The following PTPN1 variants were observed in gnomAD, a reference collection of about 807,000 sequenced individuals.
PTPN1 encodes the protein tyrosine-protein phosphatase non-receptor type 1.
Under a neutral mutation model 59.9 loss-of-function variants are expected in PTPN1, and 12 were observed. The ratio of observed to expected loss-of-function variants is 0.20; its 90% confidence interval spans 0.13 to 0.32. The LOEUF (loss-of-function observed/expected upper bound fraction) is 0.32. Ranked by LOEUF, PTPN1 falls within the 10% of genes least tolerant of loss-of-function variation. The pLI, the probability that PTPN1 is intolerant of heterozygous loss-of-function variation, is 1.00. For missense variants in PTPN1, 356 were observed against 549.2 expected, an observed-to-expected ratio of 0.65 and a Z score of 3.52; for synonymous variants, 178 against 203.6, an observed-to-expected ratio of 0.87 and a Z score of 1.07.
At chr20:50,529,403 A>T (rs1453274521) in intron 1 of PTPN1, among the ~76,000 whole-genome samples, 1 of 152,212 alleles carries the variant, frequency 6.6e-6, no homozygotes, top group Non-Finnish European at 1.5e-5. Context: ...TGGTAGTCCA[A>T]TATAAAAGTA....
chr20:50,581,425 A>G lies in PTPN1; in HGVS notation c.1249A>G (p.Thr417Ala), dbSNP rs2082868098. 1.9e-6 allele frequency: 3 copies of G among 1,613,064 alleles called. No individual in the cohort carries two copies. The highest frequency in any genetic ancestry group is 1.7e-6 in the Non-Finnish European group (2 of 1,179,106). ...CTTCCTGGTCAACATGTGCGTGGCTACGGTCCTCACGGCCGGCGCTTACCT... is the reference window on the plus strand; with the variant it reads ...CTTCCTGGTCAACATGTGCGTGGCTGCGGTCCTCACGGCCGGCGCTTACCT... Reference protein sequence around the residue: ...KPFLVNMCVATVLTAGAYLCY... With the variant: ...KPFLVNMCVAAVLTAGAYLCY... The change falls in exon 9 of 10, where the codon ACG (threonine) becomes GCG (alanine). Residue 417 changes from threonine (T) to alanine (A), a missense_variant. Around this residue, in one of 3 missense-constraint regions of PTPN1, gnomAD observed 62 missense variants for 97.2 expected, o/e 0.64. Coordinates refer to ENST00000371621, the MANE Select transcript of PTPN1 (RefSeq NM_002827.4).
intron 5 of PTPN1, 68 bp downstream of exon 5, chr20:50,574,722 G>T: frequency 6.6e-7 from 1 of 1,514,418 alleles, no homozygotes; most frequent in South Asian, 1.2e-5. Flanking sequence ...TTTATCCCTT[G>T]GGTGATATTA....
At chr20:50,550,960 TTTCCGCAAGGATAA>T (rs2082699714) in intron 1 of PTPN1, among the ~76,000 whole-genome samples, 2 of 152,352 alleles carry the variant, frequency 1.3e-5, no homozygotes, top group Admixed American at 1.3e-4. Flanking sequence ...CATGGAAATA[TTTCCGCAAGGATAA>T]ACTGGCTTTT....
In PTPN1 at chr20:50,581,413, A is replaced by G. The variant is rs766525958; in HGVS notation, c.1237A>G (p.Met413Val). Reference sequence around the variant, plus strand: ...TTACTGGAAGCCCTTCCTGGTCAACATGTGCGTGGCTACGGTCCTCACGGC... The same window carrying G: ...TTACTGGAAGCCCTTCCTGGTCAACGTGTGCGTGGCTACGGTCCTCACGGC... ...LSYWKPFLVN[M>V]CVATVLTAGA... Residue 413 changes from methionine (M) to valine (V), a missense_variant, in exon 9 of 10, where the codon ATG becomes GTG. Met to Val is a conservative substitution (Grantham distance 21). This residue lies in a region of PTPN1 where 62 missense variants were observed against 97.2 expected (regional missense o/e 0.64). Coordinates refer to ENST00000371621, the MANE Select transcript of PTPN1 (RefSeq NM_002827.4). 3 of 1,613,878 alleles carry G rather than the reference A, an allele frequency of 1.9e-6. No individual in the cohort carries two copies. Among genetic ancestry groups the G allele is most frequent in the Non-Finnish European group, 2.5e-6 (3 of 1,179,754 alleles).
chr20:50,512,386 T>A (rs530188673), intron 1 of PTPN1, among the ~76,000 whole-genome samples: 3 of 152,348 alleles, frequency 2.0e-5, no homozygotes, highest in African/African-American at 7.2e-5. Flanking sequence ...TAGTTCTTAG[T>A]TGAATTTTAT....
At chr20:50,542,548 G>A (rs1302417661) in intron 1 of PTPN1, among the ~76,000 whole-genome samples, 1 of 152,152 alleles carries the variant, frequency 6.6e-6, no homozygotes, top group South Asian at 2.1e-4. Context: ...AGAGTGTATA[G>A]CCAATTGTGT....
At chr20:50,569,645 G>A (rs1047232528) in intron 4 of PTPN1, among the ~76,000 whole-genome samples, 1 of 152,064 alleles carries the variant, frequency 6.6e-6, no homozygotes, top group African/African-American at 2.4e-5. Context: ...TGTGTAGACT[G>A]TCCTGTGTAG....
Position 50,564,068 on chromosome 20 carries a change from TA to T in PTPN1, c.155-889del, listed in dbSNP as rs960887517. 3.8e-3 allele frequency among the ~76,000 whole-genome samples: 547 copies of T among 143,914 alleles called. 5 individuals are homozygous for T. Among genetic ancestry groups the T allele is most frequent in the African/African-American group, 9.7e-3 (384 of 39,460 alleles). The allele number at this position is 143,914 out of a possible 152,430, so 94.4% of individuals were successfully genotyped here. On this transcript the variant is annotated intron_variant, in intron 2 of 9. Transcript: ENST00000371621. ...ATTGAAGTTCATTATACTTGAACTT[TA>T]AAAAAAAAAAACAAAAACCTCGTAT...
intron 1 of PTPN1, among the ~76,000 whole-genome samples, chr20:50,511,971 CT>C (rs927707703): frequency 1.2e-4 from 18 of 151,078 alleles, no homozygotes; most frequent in African/African-American, 4.1e-4. Flanking sequence ...TAACAAAAGC[CT>C]TTTTTTTTGG....
intron 1 of PTPN1, among the ~76,000 whole-genome samples, chr20:50,538,351 G>A (rs1334697077): frequency 6.6e-6 from 1 of 152,160 alleles, no homozygotes; most frequent in Admixed American, 6.5e-5. Flanking sequence ...ACACTGACCA[G>A]AAAGTCAGCT....
At chr20:50,525,340 C>T (rs374644800) in intron 1 of PTPN1, among the ~76,000 whole-genome samples, 39 of 152,226 alleles carry the variant, frequency 2.6e-4, no homozygotes, top group African/African-American at 8.9e-4. Flanking sequence ...GGATTACAGG[C>T]GTGAGCCACC....
intron 1 of PTPN1, among the ~76,000 whole-genome samples, chr20:50,560,938 C>G (rs1021272155): frequency 6.6e-6 from 1 of 152,076 alleles, no homozygotes; most frequent in East Asian, 1.9e-4. Flanking sequence ...TTTTAATAAT[C>G]GTAGCTTTAT....
Position 50,583,011 on chromosome 20 carries a change from G to A in PTPN1, c.*296G>A. The A allele has an allele frequency of 2.2e-6, 1 of 451,068 alleles. No individual in the cohort carries two copies. Among genetic ancestry groups the A allele is most frequent in the South Asian group, 3.8e-5 (1 of 26,538 alleles). The allele number at this position is 451,068 out of a possible 1,614,324, so 27.9% of individuals were successfully genotyped here. A position where few individuals can be genotyped will look rare whatever the true frequency, so the allele number is the denominator to read the frequency against. ...GAGGGAAGGGGCCTACACCCGTCTT[G>A]GGGCTCGCCCCACCCAGGGCTCCCT... On this transcript the variant is annotated 3_prime_UTR_variant, in exon 10 of 10. Transcript: ENST00000371621.
chr20:50,528,963 C>G (rs558747749), intron 1 of PTPN1, among the ~76,000 whole-genome samples: 2 of 152,080 alleles, frequency 1.3e-5, no homozygotes, highest in African/African-American at 2.4e-5. Context: ...GGTGTTTTCC[C>G]CCCATGAGAT....
At chr20:50,541,608 C>G (rs141643565) in intron 1 of PTPN1, among the ~76,000 whole-genome samples, 16 of 152,208 alleles carry the variant, frequency 1.1e-4, no homozygotes, top group African/African-American at 3.6e-4. Flanking sequence ...CGTAGTATGG[C>G]GTGAGCTTCC....
At chr20:50,537,125 C>T (rs772867115) in intron 1 of PTPN1, among the ~76,000 whole-genome samples, 1 of 152,132 alleles carries the variant, frequency 6.6e-6, no homozygotes, top group Non-Finnish European at 1.5e-5. Context: ...GAGTTTGAGA[C>T]CAGACTGGCC....
At chr20:50,562,564 C>G (rs1047024414) in intron 2 of PTPN1, among the ~76,000 whole-genome samples, 1 of 152,180 alleles carries the variant, frequency 6.6e-6, no homozygotes, top group Non-Finnish European at 1.5e-5. Context: ...AGCCCAGCGC[C>G]CAGTACCTCA....
intron 3 of PTPN1, among the ~76,000 whole-genome samples, chr20:50,566,909 T>C (rs2082781864): frequency 6.6e-6 from 1 of 152,184 alleles, no homozygotes; most frequent in Non-Finnish European, 1.5e-5. Flanking sequence ...TGGCCAGCCA[T>C]GTGCCACGGG....
At chr20:50,548,864 C>T (rs940074548) in intron 1 of PTPN1, among the ~76,000 whole-genome samples, 24 of 152,064 alleles carry the variant, frequency 1.6e-4, no homozygotes, top group Non-Finnish European at 3.1e-4. Context: ...GTTACAGTTG[C>T]GTGCCACCAC....
Sources: gnomAD v4.1 joint callset for allele counts (sites outside exome capture counted in the v4.1 genomes callset) on GRCh38, gnomAD v4.1.1 for gene constraint, gnomAD v4.1.1 regional missense constraint, MANE v1.5 for transcripts, NCBI Gene and HGNC (gene_info 2026-07-23, HGNC 2026-07-21) for gene names.